Variants in EDIL3 observed in about 807,000 individuals in gnomAD.
EDIL3 encodes EGF-like repeat and discoidin I-like domain-containing protein 3.
In EDIL3, 37 loss-of-function variants were observed where a neutral mutation model predicts 67.4. That is an observed-to-expected ratio of 0.55 (90% CI 0.42 to 0.72). EDIL3 has a LOEUF of 0.72. Ranked by LOEUF, EDIL3 falls within the 30% of genes least tolerant of loss-of-function variation. The pLI is 0.00. For missense variants in EDIL3, 527 were observed against 586.3 expected (o/e 0.90, Z 1.04); for synonymous variants, 195 against 196.3 (o/e 0.99, Z 0.05).
chr5:84,002,406 T>G (rs1487022016), intron 9 of EDIL3, among the ~76,000 whole-genome samples: 1 of 152,192 alleles, frequency 6.6e-6, no homozygotes, highest in Non-Finnish European at 1.5e-5. Context: ...TTTATCACTG[T>G]TATTCAACAC....
At chr5:84,040,869 C>G (rs140756856) in intron 9 of EDIL3, among the ~76,000 whole-genome samples, 8 of 152,248 alleles carry the variant, frequency 5.3e-5, no homozygotes, top group African/African-American at 1.9e-4. Context: ...CAGCGGCTCA[C>G]GCCTGTAATC....
At chr5:84,316,362 AC>A (rs1746511304) in intron 1 of EDIL3, among the ~76,000 whole-genome samples, 1 of 152,180 alleles carries the variant, frequency 6.6e-6, no homozygotes, top group African/African-American at 2.4e-5. Flanking sequence ...TATTGAGCAG[AC>A]CCATCTCACA....
intron 9 of EDIL3, among the ~76,000 whole-genome samples, chr5:83,993,491 A>G (rs1009259367): frequency 6.6e-6 from 1 of 152,120 alleles, no homozygotes; most frequent in Non-Finnish European, 1.5e-5. Flanking sequence ...AACCACACAT[A>G]TTTTCTTCCA....
At chr5:84,288,590 C>A (rs74943676) in intron 1 of EDIL3, among the ~76,000 whole-genome samples, 1 of 152,142 alleles carries the variant, frequency 6.6e-6, no homozygotes, top group Non-Finnish European at 1.5e-5. Context: ...GAGGGCTTCA[C>A]ATCGTCCTGT....
intron 1 of EDIL3, among the ~76,000 whole-genome samples, chr5:84,331,467 C>A (rs993937387): frequency 6.6e-6 from 1 of 152,134 alleles, no homozygotes; most frequent in African/African-American, 2.4e-5. Context: ...TGAGTTCTCA[C>A]AAGATCTGAT....
At chr5:84,011,472 C>T (rs143226441) in intron 9 of EDIL3, among the ~76,000 whole-genome samples, 12 of 152,208 alleles carry the variant, frequency 7.9e-5, no homozygotes, top group Admixed American at 2.6e-4. Flanking sequence ...CTGATCTTGC[C>T]GTTTCTACTC....
rs928226929 is a variant in EDIL3 at position 84,222,207 on chromosome 5, T to A, written c.226+7648A>T. Among the ~76,000 whole-genome samples the A allele has an allele frequency of 1.0e-3, 156 of 152,062 alleles. 1 individual carries two copies. The highest frequency in any genetic ancestry group is 3.7e-3 in the African/African-American group (154 of 41,564). ...ATATCTAATTACTCTGTTTCCTGTA[T>A]GTATACACAAAATACATATTTGTTT... On this transcript the variant is annotated intron_variant, in intron 3 of 10. Coordinates refer to ENST00000296591, the MANE Select transcript of EDIL3 (RefSeq NM_005711.5).
chr5:84,047,875 GT>G (rs889774148), intron 9 of EDIL3: 3 of 152,048 alleles, frequency 2.0e-5, no homozygotes, highest in African/African-American at 7.3e-5. Context: ...TTTCAATTTT[GT>G]TTTGTTTATA....
At chr5:84,106,857 G>T (rs1747474338) in intron 5 of EDIL3, 27 bp from the exon 6 acceptor site, 2 of 1,575,714 alleles carry the variant, frequency 1.3e-6, no homozygotes, top group African/African-American at 2.7e-5. Context: ...GAAAAAATAT[G>T]AATGTATTAG....
At chr5:83,958,014 G>C (rs549755371) in intron 10 of EDIL3, among the ~76,000 whole-genome samples, 46 of 151,584 alleles carry the variant, frequency 3.0e-4, no homozygotes, top group Non-Finnish European at 5.0e-4. Context: ...TGTTTACTTT[G>C]TGATTTTCAT....
intron 9 of EDIL3, among the ~76,000 whole-genome samples, chr5:83,985,649 A>G (rs2112153699): frequency 6.6e-6 from 1 of 152,112 alleles, no homozygotes; most frequent in East Asian, 1.9e-4. Flanking sequence ...AAATAAGTAA[A>G]TTGGCCTTGA....
chr5:84,338,366 A>G (rs949723954), intron 1 of EDIL3, among the ~76,000 whole-genome samples: 2 of 152,212 alleles, frequency 1.3e-5, no homozygotes, highest in Non-Finnish European at 2.9e-5. Context: ...GCCATCTGCC[A>G]TGAGAGGACC....
intron 9 of EDIL3, 42 bp from the exon 10 acceptor site, chr5:83,963,402 AG>A (rs778267128): frequency 1.3e-6 from 2 of 1,546,786 alleles, no homozygotes; most frequent in Non-Finnish European, 1.7e-6. Context: ...GCGACAACCA[AG>A]TTGTAAACTT....
At chr5:84,151,572 T>G (rs1008114019) in intron 4 of EDIL3, among the ~76,000 whole-genome samples, 6 of 152,146 alleles carry the variant, frequency 3.9e-5, no homozygotes, top group Non-Finnish European at 8.8e-5. Context: ...AAGAAAGTCT[T>G]TGCAAGAAGC....
At chr5:84,247,525 T>G (rs1437144912) in intron 2 of EDIL3, among the ~76,000 whole-genome samples, 1 of 152,146 alleles carries the variant, frequency 6.6e-6, no homozygotes, top group Non-Finnish European at 1.5e-5. Context: ...AAAATGTGTA[T>G]GACAGTCTGT....
chr5:84,360,385 C>T (rs536909204), intron 1 of EDIL3, among the ~76,000 whole-genome samples: 1 of 152,206 alleles, frequency 6.6e-6, no homozygotes, highest in East Asian at 1.9e-4. Context: ...TCCCTGAGTT[C>T]AATTAATTCA....
intron 2 of EDIL3, among the ~76,000 whole-genome samples, chr5:84,243,488 G>C (rs768265222): frequency 2.6e-5 from 4 of 152,306 alleles, no homozygotes; most frequent in Middle Eastern, 6.8e-3. Flanking sequence ...GTAGCTCCTT[G>C]TGTAGATGAG....
At chr5:84,232,738 C>T (rs1744608488) in intron 2 of EDIL3, among the ~76,000 whole-genome samples, 1 of 152,190 alleles carries the variant, frequency 6.6e-6, no homozygotes, top group African/African-American at 2.4e-5. Flanking sequence ...ACTATTCACA[C>T]TCATGAAGGC....
chr5:84,256,315 A>G (rs1198358802), intron 1 of EDIL3, among the ~76,000 whole-genome samples: 1 of 152,102 alleles, frequency 6.6e-6, no homozygotes, highest in African/African-American at 2.4e-5. Flanking sequence ...CAGACTATGG[A>G]GCTTAGTGGG....
Sources: allele counts gnomAD v4.1 joint callset (sites outside exome capture counted in the v4.1 genomes callset), GRCh38; gene constraint gnomAD v4.1.1; transcripts MANE v1.5; gene names NCBI Gene and HGNC (gene_info 2026-07-23, HGNC 2026-07-21).